The following VTCN1 variants were observed in gnomAD, a reference collection of about 807,000 sequenced individuals.
The protein encoded by VTCN1 is V-set domain containing T cell activation inhibitor 1, also known as V-set domain-containing T-cell activation inhibitor 1.
A neutral mutation model predicts 26.5 loss-of-function variants in VTCN1; 26 were observed. That is an observed-to-expected ratio of 0.98 (90% CI 0.72 to 1.36). VTCN1 has a LOEUF of 1.36. VTCN1 is among the 40% of genes most tolerant of loss of function. The pLI is 0.00. For missense variants in VTCN1, 298 were observed against 337.7 expected, an observed-to-expected ratio of 0.88 and a Z score of 0.92; for synonymous variants, 116 against 130.7, an observed-to-expected ratio of 0.89 and a Z score of 0.77.
At chr1:117,209,778 G>A (rs1216510829) in intron 1 of VTCN1, among the ~76,000 whole-genome samples, 1 of 152,228 alleles carries the variant, frequency 6.6e-6, no homozygotes, top group Non-Finnish European at 1.5e-5. Context: ...CTACCCGGCA[G>A]GTGATTTCAG....
intron 1 of VTCN1, among the ~76,000 whole-genome samples, chr1:117,206,710 G>T (rs554183125): frequency 2.0e-5 from 3 of 152,112 alleles, no homozygotes; most frequent in African/African-American, 7.2e-5. Flanking sequence ...GCAATTGATG[G>T]CAACTAGAAA....
At position 117,156,773 on chromosome 1, in the gene VTCN1, C is replaced by T. The variant is rs1652094957; in HGVS notation, c.246G>A (p.Glu82=). 1 of 1,614,140 alleles carries T rather than the reference C, an allele frequency of 6.2e-7. No homozygotes were observed. The highest frequency in any genetic ancestry group is 1.7e-5 in the Admixed American group (1 of 60,024). The change falls in exon 3 of 6, where the codon GAG becomes GAA. Residue 82 remains glutamate (E), a synonymous_variant. Coordinates refer to ENST00000369458, the MANE Select transcript of VTCN1 (RefSeq NM_024626.4). ...LKEGVLGLVH[E]FKEGKDELSE... is the part of the protein sequence containing the mutation. ...ACAGCTCATCTTTGCCTTCTTTGAA[C>T]TCATGGACCAAGCCTAAAACACCTT...
At chr1:117,170,717 AC>A (rs1470551334) in intron 1 of VTCN1, among the ~76,000 whole-genome samples, 3 of 152,254 alleles carry the variant, frequency 2.0e-5, no homozygotes, top group Non-Finnish European at 4.4e-5. Flanking sequence ...AAAAACAAAA[AC>A]AAAAACATAT....
intron 1 of VTCN1, among the ~76,000 whole-genome samples, chr1:117,199,083 T>C (rs1043161098): frequency 6.6e-6 from 1 of 152,192 alleles, no homozygotes; most frequent in Non-Finnish European, 1.5e-5. Context: ...CACATTCACA[T>C]AGTTTTGTCT....
At chr1:117,163,493 T>C (rs561974639) in intron 2 of VTCN1, among the ~76,000 whole-genome samples, 1 of 152,196 alleles carries the variant, frequency 6.6e-6, no homozygotes, top group African/African-American at 2.4e-5. Flanking sequence ...TTTGGAAAGA[T>C]TGCAGATCAG....
In VTCN1 at chr1:117,155,761, C is replaced by T. The variant is rs567113635; in HGVS notation, c.445+813G>A. On this transcript the variant is annotated intron_variant, in intron 3 of 5. Transcript: ENST00000369458. The surrounding 1 kb of genome is among the most constrained non-coding windows in gnomAD (Gnocchi z 4.8). ...CATACTAGTTTAGGCTGGAAAGGCC[C>T]GGTTTCTGCCTATCCTTCAAGGCTC... Among the ~76,000 whole-genome samples, 6 of 152,272 alleles carry T rather than the reference C, an allele frequency of 3.9e-5. No homozygotes were observed. The highest frequency in any genetic ancestry group is 7.2e-5 in the African/African-American group (3 of 41,554).
chr1:117,202,534 G>T (rs1216693934), intron 1 of VTCN1, among the ~76,000 whole-genome samples: 1 of 152,220 alleles, frequency 6.6e-6, no homozygotes, highest in Non-Finnish European at 1.5e-5. Flanking sequence ...GCACTGACCG[G>T]AACAGTATCT....
intron 1 of VTCN1, among the ~76,000 whole-genome samples, chr1:117,191,444 A>G (rs1648241052): frequency 6.6e-6 from 1 of 152,168 alleles, no homozygotes; most frequent in Non-Finnish European, 1.5e-5. Context: ...GCCTGCAGCC[A>G]GGAGTTTGAG....
intron 4 of VTCN1, among the ~76,000 whole-genome samples, chr1:117,152,840 C>T (rs1404334414): frequency 6.6e-6 from 1 of 152,166 alleles, no homozygotes. Flanking sequence ...GTTCTCCAGA[C>T]AACCAGTCAA....
At chr1:117,192,658 G>GGTAA (rs1210328056) in intron 1 of VTCN1, among the ~76,000 whole-genome samples, 1 of 152,006 alleles carries the variant, frequency 6.6e-6, no homozygotes, top group Non-Finnish European at 1.5e-5. Context: ...GTGTGTTGGG[G>GGTAA]GTAAGATTGT....
At chr1:117,208,411 T>G (rs1258620646) in intron 1 of VTCN1, among the ~76,000 whole-genome samples, 1 of 152,170 alleles carries the variant, frequency 6.6e-6, no homozygotes, top group African/African-American at 2.4e-5. Context: ...AGTGCTCCCC[T>G]TGCAACCTGT....
intron 2 of VTCN1, among the ~76,000 whole-genome samples, chr1:117,166,654 CAAAAAAAAAA>C (rs34933727): frequency 1.4e-5 from 1 of 73,134 alleles, no homozygotes; most frequent in Non-Finnish European, 2.8e-5. Flanking sequence ...TACTCTGTCT[CAAAAAAAAAA>C]AAAAAGAAAG....
chr1:117,147,360 A>G lies in VTCN1; in HGVS notation c.*45+253T>C, dbSNP rs1040583902. ...ATTTTGCCTTCATTGATGACTGAGT[A>G]ACTTAAAAGGTATTTGAATTTACAT... is the stretch of plus-strand genomic sequence containing the variant. On this transcript the variant is annotated intron_variant, in intron 5 of 5. Coordinates refer to ENST00000369458, the MANE Select transcript of VTCN1 (RefSeq NM_024626.4). The surrounding 1 kb of genome is among the most constrained non-coding windows in gnomAD (Gnocchi z 4.6). 3.9e-5 allele frequency among the ~76,000 whole-genome samples: 6 copies of G among 152,242 alleles called. No homozygotes were observed. The highest frequency in any genetic ancestry group is 7.3e-5 in the Non-Finnish European group (5 of 68,046).
At position 117,172,472 on chromosome 1, in the gene VTCN1, G is replaced by A. The variant is rs1055786556; in HGVS notation, c.33-2301C>T. 1.5e-5 allele frequency: 8 copies of A among 518,684 alleles called. 1 individual carries two copies. The Middle Eastern group carries it at 1.3e-3, about 82-fold the overall frequency. The allele number at this position is 518,684 out of a possible 1,614,324, so 32.1% of individuals were successfully genotyped here. Reference sequence around the variant, plus strand: ...GAGAACAGCTAGATAAAGTCATAGCGAGAGGCACCATCTGCTGTCTTTGAC... The same window carrying A: ...GAGAACAGCTAGATAAAGTCATAGCAAGAGGCACCATCTGCTGTCTTTGAC... On this transcript the variant is annotated intron_variant, in intron 1 of 5. Coordinates refer to ENST00000369458, the MANE Select transcript of VTCN1 (RefSeq NM_024626.4).
chr1:117,151,402 G>A (rs1164269614), intron 4 of VTCN1, among the ~76,000 whole-genome samples: 1 of 152,154 alleles, frequency 6.6e-6, no homozygotes, highest in Non-Finnish European at 1.5e-5. Context: ...CAAAGAGTGA[G>A]CAGCAGCAAG....
rs1652829437 is a variant in VTCN1 at position 117,170,169 on chromosome 1, A to G, written c.35T>C (p.Ile12Thr). Residue 12 changes from isoleucine to threonine, a missense_variant and splice_region_variant, in exon 2 of 6, where the codon ATA (isoleucine) becomes ACA (threonine). By Grantham distance (89) the Ile-to-Thr change is moderately conservative (BLOSUM62 -1). Transcript: ENST00000369458. The part of the protein sequence containing the change: ...ASLGQILFWS[I>T]ISIIIILAGA... Reference sequence around the variant, plus strand: ...AGCCAGAATAATGATGATGCTAATTATGCTACGGGAAGAGAGAGAGAAACA... The same window carrying G: ...AGCCAGAATAATGATGATGCTAATTGTGCTACGGGAAGAGAGAGAGAAACA... 1.2e-6 allele frequency: 2 copies of G among 1,613,720 alleles called. No individual in the cohort carries two copies. Among genetic ancestry groups the G allele is most frequent in the Non-Finnish European group, 8.5e-7 (1 of 1,179,852 alleles).
intron 2 of VTCN1, 193 bp from the exon 3 acceptor site, chr1:117,157,114 T>TAG (rs1236091030): frequency 8.4e-6 from 5 of 596,070 alleles, no homozygotes; most frequent in East Asian, 4.5e-5. Context: ...TATATATATA[T>TAG]AGCAGATCTG....
Position 117,205,851 on chromosome 1 carries a change from G to A in VTCN1, c.32+4973C>T, listed in dbSNP as rs2101609877. On this transcript the variant is annotated intron_variant, in intron 1 of 5. Transcript: ENST00000369458. ...TTAGGACTATGAGACAGTTTAGCTA[G>A]TTAAGCATTACCACGTGCTTGGTCA... 2.0e-5 allele frequency among the ~76,000 whole-genome samples: 3 copies of A among 152,276 alleles called. No homozygotes were observed. In the South Asian group the frequency reaches 6.2e-4, roughly 32 times the overall value.
At chr1:117,197,543 C>T (rs534420328) in intron 1 of VTCN1, among the ~76,000 whole-genome samples, 147 of 152,032 alleles carry the variant, frequency 9.7e-4, no homozygotes, top group African/African-American at 3.4e-3. Flanking sequence ...TGAACCTTTA[C>T]TTCATCCTCT....
Sources: allele counts gnomAD v4.1 joint callset (sites outside exome capture counted in the v4.1 genomes callset), GRCh38; gene constraint gnomAD v4.1.1; non-coding constraint Gnocchi (gnomAD v3.1); transcripts MANE v1.5; gene names NCBI Gene and HGNC (gene_info 2026-07-23, HGNC 2026-07-21).